DCLK2: variants seen among roughly 807,000 people sequenced by gnomAD.
The protein encoded by DCLK2 is doublecortin like kinase 2.
Under a neutral mutation model 78.4 loss-of-function variants are expected in DCLK2, and 31 were observed. The observed-to-expected ratio is 0.40, with a 90% CI of 0.30 to 0.53. The LOEUF (loss-of-function observed/expected upper bound fraction) is 0.53. DCLK2 is among the 20% of genes least tolerant of loss of function. DCLK2 has a pLI of 0.61. For synonymous variants in DCLK2, 407 were observed against 374.9 expected (o/e 1.09, Z -0.99); for missense variants, 872 against 973.7 (o/e 0.90, Z 1.39).
chr4:150,154,767 A>T (rs923667857), intron 2 of DCLK2, among the ~76,000 whole-genome samples: 4 of 152,108 alleles, frequency 2.6e-5, no homozygotes, highest in African/African-American at 9.7e-5. Context: ...TTTACCTTTT[A>T]TGAGCTTTAC....
At chr4:150,226,532 A>T (rs1240092736) in intron 8 of DCLK2, among the ~76,000 whole-genome samples, 1 of 152,110 alleles carries the variant, frequency 6.6e-6, no homozygotes. Context: ...GTAAAAAAAA[A>T]ATAAAAAGGT....
Position 150,249,661 on chromosome 4 carries a change from A to G in DCLK2, c.2050A>G (p.Thr684Ala). 6.2e-7 allele frequency: 1 copy of G among 1,613,618 alleles called. No individual in the cohort carries two copies. Among genetic ancestry groups the G allele is most frequent in the Non-Finnish European group, 8.5e-7 (1 of 1,179,916 alleles). The change falls in exon 15 of 16, where the codon ACC becomes GCC. Residue 684 changes from threonine to alanine, a missense_variant. By Grantham distance (58) the Thr-to-Ala change is moderately conservative. Around this residue, in one of 3 missense-constraint regions of DCLK2, gnomAD observed 219 missense variants for 230.1 expected, o/e 0.95. Transcript: ENST00000296550. ...TGCGCTCCCCAAACAGAACAGCACT[A>G]CCACCGGGGTCTCCGTCATCATGGT... ...NNALPKQNST[T>A]TGVSVIMNTA... is the part of the protein sequence containing the mutation.
chr4:150,199,059 T>C, intron 4 of DCLK2: 1 of 1,596,770 alleles, frequency 6.3e-7, no homozygotes, highest in Non-Finnish European at 8.5e-7. Context: ...CCAGTGCCTA[T>C]TCTACAGCCA....
intron 2 of DCLK2, among the ~76,000 whole-genome samples, chr4:150,163,928 C>T (rs1373915970): frequency 2.6e-5 from 4 of 152,108 alleles, no homozygotes; most frequent in African/African-American, 9.7e-5. Context: ...AGTACCAACC[C>T]TTTGCAACAT....
intron 2 of DCLK2, among the ~76,000 whole-genome samples, chr4:150,151,906 C>T (rs1734922472): frequency 6.7e-6 from 1 of 148,708 alleles, no homozygotes; most frequent in Non-Finnish European, 1.5e-5. Flanking sequence ...GTCTGGGCAA[C>T]AAAGTGAGGC....
At chr4:150,173,614 T>G (rs988638104) in intron 2 of DCLK2, among the ~76,000 whole-genome samples, 1 of 152,182 alleles carries the variant, frequency 6.6e-6, no homozygotes, top group South Asian at 2.1e-4. Context: ...GTCTCCACTT[T>G]TGGCAGCAGA....
At chr4:150,092,860 C>T (rs1338750616) in intron 1 of DCLK2, among the ~76,000 whole-genome samples, 2 of 152,120 alleles carry the variant, frequency 1.3e-5, no homozygotes, top group Non-Finnish European at 2.9e-5. Context: ...AGTAGAAAAG[C>T]TTTTCTCTAA....
chr4:150,124,383 A>G (rs1317614810), intron 2 of DCLK2, among the ~76,000 whole-genome samples: 1 of 152,188 alleles, frequency 6.6e-6, no homozygotes, highest in Non-Finnish European at 1.5e-5. Flanking sequence ...CATAATGTGA[A>G]CATAAAGACA....
At chr4:150,211,708 A>G (rs946563921) in intron 5 of DCLK2, among the ~76,000 whole-genome samples, 19 of 151,716 alleles carry the variant, frequency 1.3e-4, no homozygotes, top group African/African-American at 2.4e-4. Context: ...CTCCCTACTC[A>G]TTCTTTTTCC....
intron 2 of DCLK2, among the ~76,000 whole-genome samples, chr4:150,172,763 G>GTT (rs1560832101): frequency 0.017 from 1,818 of 109,274 alleles, 86 homozygotes; most frequent in African/African-American, 0.067. Flanking sequence ...TTTTTTTTGG[G>GTT]GGGGGGGGGG....
chr4:150,141,684 T>C (rs1734111899), intron 2 of DCLK2, among the ~76,000 whole-genome samples: 1 of 152,184 alleles, frequency 6.6e-6, no homozygotes, highest in African/African-American at 2.4e-5. Flanking sequence ...GATTAGACAA[T>C]GATAAACCTG....
intron 2 of DCLK2, among the ~76,000 whole-genome samples, chr4:150,184,091 C>T (rs111244436): frequency 4.6e-5 from 7 of 152,284 alleles, no homozygotes; most frequent in African/African-American, 1.7e-4. Flanking sequence ...AGCCTATATG[C>T]TAGGTGCTAT....
rs573081142 is a variant in DCLK2, at chr4:150,104,028, A to G, written c.756+1216A>G. 4.6e-5 allele frequency among the ~76,000 whole-genome samples: 7 copies of G among 152,250 alleles called. No individual in the cohort carries two copies. The South Asian group carries it at 1.5e-3, about 32-fold the overall frequency. ...ACAGGAAAAAGGTATTTGACAAATC[A>G]AATAGTTGATTCTTGATGGGCACAG... On this transcript the variant is annotated intron_variant, in intron 2 of 15. Coordinates refer to ENST00000296550, the MANE Select transcript of DCLK2 (RefSeq NM_001040260.4).
intron 1 of DCLK2, among the ~76,000 whole-genome samples, chr4:150,082,534 C>G (rs1482977998): frequency 6.6e-6 from 1 of 152,230 alleles, no homozygotes; most frequent in African/African-American, 2.4e-5. Flanking sequence ...CAGCACTACA[C>G]TAAACCAGCA....
At chr4:150,186,169 A>G (rs528376368) in intron 2 of DCLK2, among the ~76,000 whole-genome samples, 40 of 152,292 alleles carry the variant, frequency 2.6e-4, no homozygotes, top group African/African-American at 9.6e-4. Context: ...GGCCTTCTAA[A>G]CTGATACACT....
intron 2 of DCLK2, among the ~76,000 whole-genome samples, chr4:150,153,410 A>G (rs898856254): frequency 3.3e-5 from 5 of 151,712 alleles, no homozygotes; most frequent in African/African-American, 1.2e-4. Context: ...CTACTTGACA[A>G]ACTTTTTTTT....
chr4:150,093,806 A>C (rs1730268250), intron 1 of DCLK2, among the ~76,000 whole-genome samples: 1 of 152,240 alleles, frequency 6.6e-6, no homozygotes, highest in Non-Finnish European at 1.5e-5. Context: ...CCTGATTCCA[A>C]AATATATTAC....
At chr4:150,167,373 G>C (rs1231897794) in intron 2 of DCLK2, among the ~76,000 whole-genome samples, 4 of 152,208 alleles carry the variant, frequency 2.6e-5, no homozygotes, top group Non-Finnish European at 5.9e-5. Flanking sequence ...GGAGGAAATA[G>C]TTTGTATCTG....
At chr4:150,190,323 A>T (rs931698993) in intron 2 of DCLK2, among the ~76,000 whole-genome samples, 2 of 152,130 alleles carry the variant, frequency 1.3e-5, no homozygotes, top group Admixed American at 1.3e-4. Flanking sequence ...AGACGGACGG[A>T]TAGATGTCAG....
Sources: allele counts gnomAD v4.1 joint callset (sites outside exome capture counted in the v4.1 genomes callset), GRCh38; gene constraint gnomAD v4.1.1; regional missense constraint gnomAD v4.1.1; transcripts MANE v1.5; gene names NCBI Gene and HGNC (gene_info 2026-07-23, HGNC 2026-07-21).